Variants in KCNAB3 observed in about 807,000 individuals in gnomAD.
KCNAB3 encodes voltage-gated potassium channel subunit beta-3.
Under a neutral mutation model 67.7 loss-of-function variants are expected in KCNAB3, and 62 were observed. The observed-to-expected ratio is 0.92, with a 90% CI of 0.75 to 1.13. The LOEUF (loss-of-function observed/expected upper bound fraction) is 1.13, where lower values mean the gene tolerates loss of function less well. Ranked by LOEUF, KCNAB3 falls within the 50% of genes most tolerant of loss-of-function variation. The pLI is 0.00. For missense variants in KCNAB3, 514 were observed against 522.9 expected, an observed-to-expected ratio of 0.98 and a Z score of 0.17; for synonymous variants, 212 against 205.4, an observed-to-expected ratio of 1.03 and a Z score of -0.27.
intron 3 of KCNAB3, 74 bp from the exon 4 acceptor site, chr17:7,927,497 A>C: frequency 6.5e-7 from 1 of 1,527,280 alleles, no homozygotes. Context: ...AACCCATCAC[A>C]TCTCAGCCCT....
At chr17:7,925,645 T>C (rs1972203627) in intron 7 of KCNAB3, 38 bp downstream of exon 7, 1 of 1,605,776 alleles carries the variant, frequency 6.2e-7, no homozygotes, top group Admixed American at 1.7e-5. Context: ...CTGGCTTCCA[T>C]ATCCCCTCAC....
At chr17:7,928,118 G>T in intron 1 of KCNAB3, 1 of 549,178 alleles carries the variant, frequency 1.8e-6, no homozygotes, top group Non-Finnish European at 3.3e-6. Context: ...TCCTTCTTCT[G>T]GGGTCTTGTC....
At chr17:7,925,529 CAAAAA>C (rs35440319) in intron 7 of KCNAB3, 149 bp downstream of exon 7, 364 of 432,166 alleles carry the variant, frequency 8.4e-4, no homozygotes, top group Non-Finnish European at 1.1e-3. Flanking sequence ...AACTCCGTCT[CAAAAA>C]AAAAAAAAAA....
chr17:7,923,134 G>A lies in KCNAB3; in HGVS notation c.1183C>T (p.Leu395Phe), dbSNP rs1402201431. The part of the protein sequence containing the change: ...TPQTVMEIDG[L>F]LGNKPHSKK ...TTGGAATGCGGCTTGTTTCCCAGGA[G>A]CCCGTCTATTTCCATCACTGTCTGC... Residue 395 changes from leucine to phenylalanine, a missense_variant, in exon 14 of 14, where the codon CTC (leucine) becomes TTC (phenylalanine). Transcript: ENST00000303790. The A allele has an allele frequency of 6.2e-7, 1 of 1,614,188 alleles. No individual in the cohort carries two copies. Among genetic ancestry groups the A allele is most frequent in the South Asian group, 1.1e-5 (1 of 91,084 alleles).
chr17:7,928,646 A>G (rs972416540), intron 1 of KCNAB3, among the ~76,000 whole-genome samples: 1 of 152,182 alleles, frequency 6.6e-6, no homozygotes, highest in Admixed American at 6.5e-5. Flanking sequence ...AGATAAAGTC[A>G]GTTACATTTC....
intron 8 of KCNAB3, 141 bp from the exon 9 acceptor site, chr17:7,924,641 T>C: frequency 2.1e-6 from 3 of 1,401,362 alleles, no homozygotes; most frequent in Non-Finnish European, 2.8e-6. Flanking sequence ...TTTGCCTCTC[T>C]TCCTGTCCAC....
In KCNAB3 at chr17:7,923,093, C is replaced by G; in HGVS notation, c.*9G>C. 6.2e-7 allele frequency: 1 copy of G among 1,613,918 alleles called. No individual in the cohort carries two copies. Among genetic ancestry groups the G allele is most frequent in the Non-Finnish European group, 8.5e-7 (1 of 1,179,838 alleles). The stretch of plus-strand genomic sequence containing the variant: ...CGACACCGGGTTGGGTCCCTGCGCC[C>G]GCGACAGACTACTTCTTGGAATGCG... On this transcript the variant is annotated 3_prime_UTR_variant, in exon 14 of 14. Coordinates refer to ENST00000303790, the MANE Select transcript of KCNAB3 (RefSeq NM_004732.4).
At chr17:7,928,232 C>G (rs1011957588) in intron 1 of KCNAB3, 1 of 269,968 alleles carries the variant, frequency 3.7e-6, no homozygotes, top group African/African-American at 2.2e-5. Context: ...AGTGCTGTGC[C>G]AAATGGTAGA....
intron 3 of KCNAB3, 80 bp from the exon 4 acceptor site, chr17:7,927,503 G>T: frequency 6.5e-7 from 1 of 1,529,530 alleles, no homozygotes; most frequent in Non-Finnish European, 9.1e-7. Flanking sequence ...TCACATCTCA[G>T]CCCTGGGTTC....
chr17:7,929,437 C>A lies in KCNAB3; in HGVS notation c.-2G>T. Reference sequence around the variant, plus strand: ...GGTACACGCGATAGACACCTGCATGCTGGCTGGCCGAGGCGGGGGAGGGGG... The same window carrying A: ...GGTACACGCGATAGACACCTGCATGATGGCTGGCCGAGGCGGGGGAGGGGG... On this transcript the variant is annotated 5_prime_UTR_variant, in exon 1 of 14. Transcript: ENST00000303790. This position sits in a 1 kb window ranked among gnomAD's most constrained non-coding sequence, Gnocchi z 5.7. The A allele has an allele frequency of 6.5e-7, 1 of 1,530,816 alleles. No homozygotes were observed. The highest frequency in any genetic ancestry group is 1.2e-5 in the South Asian group (1 of 83,454). The allele number at this position is 1,530,816 out of a possible 1,614,324, so 94.8% of individuals were successfully genotyped here. A position where few individuals can be genotyped will look rare whatever the true frequency, so the allele number is the denominator to read the frequency against.
At position 7,929,798 on chromosome 17, in the gene KCNAB3, A is replaced by AATGATAC; in HGVS notation, c.-364_-363insGTATCAT. On this transcript the variant is annotated 5_prime_UTR_variant, in exon 1 of 14. Coordinates refer to ENST00000303790, the MANE Select transcript of KCNAB3 (RefSeq NM_004732.4). The surrounding 1 kb of genome is among the most constrained non-coding windows in gnomAD (Gnocchi z 5.7). ...CGGGGCGGGAGAGAGATGCCACTTC[A>AATGATAC]GCGCGAACCGCTGCGGGACCCGCTG... 2 of 1,121,292 alleles carry AATGATAC rather than the reference A, an allele frequency of 1.8e-6. No homozygotes were observed. The highest frequency in any genetic ancestry group is 2.2e-6 in the Non-Finnish European group (2 of 912,140). The allele number at this position is 1,121,292 out of a possible 1,614,324, so 69.5% of individuals were successfully genotyped here.
intron 4 of KCNAB3, 52 bp downstream of exon 4, chr17:7,927,292 G>A (rs9908139): frequency 0.47 from 684,426 of 1,467,488 alleles, 165,205 homozygotes; most frequent in East Asian, 0.76. Flanking sequence ...ATAATCCCTG[G>A]GGTCCTCTCA....
In KCNAB3 at chr17:7,923,081, G is replaced by T; in HGVS notation, c.*21C>A. 2 of 1,611,434 alleles carry T rather than the reference G, an allele frequency of 1.2e-6. No homozygotes were observed. Among genetic ancestry groups the T allele is most frequent in the Non-Finnish European group, 8.5e-7 (1 of 1,177,586 alleles). The stretch of plus-strand genomic sequence containing the variant: ...GGGCGGGTGCAGCGACACCGGGTTG[G>T]GTCCCTGCGCCCGCGACAGACTACT... On this transcript the variant is annotated 3_prime_UTR_variant, in exon 14 of 14. Coordinates refer to ENST00000303790, the MANE Select transcript of KCNAB3 (RefSeq NM_004732.4).
chr17:7,927,693 A>T lies in KCNAB3; in HGVS notation c.288T>A (p.Gly96=). Residue 96 remains glycine, a splice_region_variant and synonymous_variant, in exon 3 of 14, where the codon GGT becomes GGA. Transcript: ENST00000303790. ...SGLRVSCLGL[G]TWVTFGSQIS... is the part of the protein sequence containing the mutation. ...TCTGAGAACCAAATGTGACCCAGGT[A>T]CCTGCAAGAGAGAAGCCAGGCACAT... The T allele has an allele frequency of 6.2e-7, 1 of 1,614,190 alleles. No individual in the cohort carries two copies. The highest frequency in any genetic ancestry group is 8.5e-7 in the Non-Finnish European group (1 of 1,180,024).
At chr17:7,925,016 G>T in intron 8 of KCNAB3, 81 bp downstream of exon 8, 1 of 1,324,396 alleles carries the variant, frequency 7.6e-7, no homozygotes, top group Non-Finnish European at 1.1e-6. Flanking sequence ...AACGTCCTGG[G>T]ATTACAGGAA....
chr17:7,922,520 C>A lies in KCNAB3; in HGVS notation c.*582G>T, dbSNP rs1326288554. ...TTGTCAGTGCTGTGCCACTGTAGAC[C>A]CCACCCTGACCGCCCTCCTCCACCT... On this transcript the variant is annotated 3_prime_UTR_variant, in exon 14 of 14. Transcript: ENST00000303790. 6.4e-6 allele frequency: 1 copy of A among 157,188 alleles called. No homozygotes were observed. Among genetic ancestry groups the A allele is most frequent in the South Asian group, 1.8e-4 (1 of 5,510 alleles). 9.7% of individuals were successfully genotyped at this position (157,188 alleles called of 1,614,324 possible).
In KCNAB3 at chr17:7,923,036, G is replaced by A. The variant is rs1972089371; in HGVS notation, c.*66C>T. ...TGGAGGGATCCGGAGCGGGAGAGGC[G>A]GCTGCGAGGAGCGGGGCTCGGGCGG... On this transcript the variant is annotated 3_prime_UTR_variant, in exon 14 of 14. Coordinates refer to ENST00000303790, the MANE Select transcript of KCNAB3 (RefSeq NM_004732.4). 3 of 1,475,216 alleles carry A rather than the reference G, an allele frequency of 2.0e-6. No homozygotes were observed. Among genetic ancestry groups the A allele is most frequent in the Non-Finnish European group, 2.8e-6 (3 of 1,054,718 alleles). 91.4% of individuals were successfully genotyped at this position (1,475,216 alleles called of 1,614,324 possible).
intron 7 of KCNAB3, 160 bp from the exon 8 acceptor site, chr17:7,925,343 C>T (rs948538049): frequency 1.8e-5 from 11 of 594,708 alleles, no homozygotes; most frequent in East Asian, 1.2e-4. Context: ...GCCTGGCTAA[C>T]GTGGTGAAAC....
intron 4 of KCNAB3, 137 bp from the exon 5 acceptor site, chr17:7,926,240 AAAT>A: frequency 1.1e-6 from 1 of 879,826 alleles, no homozygotes; most frequent in South Asian, 1.6e-5. Context: ...ATCCTGGACA[AAAT>A]AAGAGGTCTG....
Sources: allele counts gnomAD v4.1 joint callset (sites outside exome capture counted in the v4.1 genomes callset), GRCh38; gene constraint gnomAD v4.1.1; non-coding constraint Gnocchi (gnomAD v3.1); transcripts MANE v1.5; gene names NCBI Gene and HGNC (gene_info 2026-07-23, HGNC 2026-07-21).